Variants in HS3ST4 observed in about 807,000 individuals in gnomAD.
The protein encoded by HS3ST4 is heparan sulfate-glucosamine 3-sulfotransferase 4.
Under a neutral mutation model 29.2 loss-of-function variants are expected in HS3ST4, and 17 were observed. That is an observed-to-expected ratio of 0.58 (90% confidence interval 0.40 to 0.87). The LOEUF (loss-of-function observed/expected upper bound fraction) is 0.87, where lower values mean the gene tolerates loss of function less well. Among genes scored for constraint, HS3ST4 ranks in the 40% least tolerant of loss-of-function variants. HS3ST4 has a pLI of 0.00. For synonymous variants in HS3ST4, 314 were observed against 285.7 expected (o/e 1.10, Z -1.00); for missense variants, 627 against 634.5 (o/e 0.99, Z 0.13).
chr16:25,808,029 T>G (rs1277226474), intron 1 of HS3ST4, among the ~76,000 whole-genome samples: 1 of 152,184 alleles, frequency 6.6e-6, no homozygotes, highest in Admixed American at 6.5e-5. Context: ...TAGATACCAA[T>G]CCTTTTTCAG....
At chr16:26,073,166 G>A (rs1234470281) in intron 1 of HS3ST4, among the ~76,000 whole-genome samples, 1 of 152,108 alleles carries the variant, frequency 6.6e-6, no homozygotes, top group Non-Finnish European at 1.5e-5. Flanking sequence ...CTGACAATGT[G>A]CTGAGCATGT....
intron 1 of HS3ST4, among the ~76,000 whole-genome samples, chr16:25,788,430 G>A (rs906594607): frequency 7.5e-6 from 1 of 132,502 alleles, no homozygotes; most frequent in African/African-American, 2.7e-5. Flanking sequence ...AAAAAAAAAT[G>A]CCATTACAAT....
chr16:25,926,391 A>G (rs1417482651), intron 1 of HS3ST4, among the ~76,000 whole-genome samples: 1 of 152,182 alleles, frequency 6.6e-6, no homozygotes, highest in Non-Finnish European at 1.5e-5. Flanking sequence ...ATGTTTCTCC[A>G]CCTACAGTTT....
At chr16:26,129,671 CTTAAG>C (rs1354774948) in intron 1 of HS3ST4, among the ~76,000 whole-genome samples, 4 of 152,166 alleles carry the variant, frequency 2.6e-5, no homozygotes, top group South Asian at 2.1e-4. Context: ...ACCCATATTA[CTTAAG>C]TTAAGTAATT....
chr16:26,022,316 G>A (rs979480735), intron 1 of HS3ST4, among the ~76,000 whole-genome samples: 5 of 152,142 alleles, frequency 3.3e-5, no homozygotes, highest in African/African-American at 1.2e-4. Context: ...GTGAATCTCA[G>A]TGGAAATTAA....
At chr16:25,820,263 T>C (rs1420788589) in intron 1 of HS3ST4, among the ~76,000 whole-genome samples, 1 of 152,072 alleles carries the variant, frequency 6.6e-6, no homozygotes, top group Non-Finnish European at 1.5e-5. Flanking sequence ...TTGACAAGCC[T>C]GGGTAGGGCC....
At chr16:26,073,716 G>A (rs1438233063) in intron 1 of HS3ST4, among the ~76,000 whole-genome samples, 1 of 152,146 alleles carries the variant, frequency 6.6e-6, no homozygotes, top group Non-Finnish European at 1.5e-5. Flanking sequence ...CACACGCACT[G>A]TAGGTATCAT....
At chr16:26,015,948 G>A (rs567581593) in intron 1 of HS3ST4, among the ~76,000 whole-genome samples, 2 of 152,106 alleles carry the variant, frequency 1.3e-5, no homozygotes, top group East Asian at 3.9e-4. Flanking sequence ...CTGGGGGTGG[G>A]GTGTGCTACT....
chr16:25,961,455 A>T (rs1968792153), intron 1 of HS3ST4, among the ~76,000 whole-genome samples: 1 of 152,198 alleles, frequency 6.6e-6, no homozygotes, highest in South Asian at 2.1e-4. Context: ...CATGTGATTT[A>T]TTCATTCATT....
intron 1 of HS3ST4, among the ~76,000 whole-genome samples, chr16:25,881,167 A>G (rs1967891941): frequency 6.6e-6 from 1 of 152,202 alleles, no homozygotes; most frequent in South Asian, 2.1e-4. Context: ...GGAGACAAGA[A>G]TGAGAACCCT....
At chr16:25,713,010 T>C (rs1966427556) in intron 1 of HS3ST4, among the ~76,000 whole-genome samples, 2 of 152,168 alleles carry the variant, frequency 1.3e-5, no homozygotes, top group African/African-American at 4.8e-5. Flanking sequence ...AGGACAGCTA[T>C]CATATTTCAC....
At chr16:25,851,927 G>C (rs1967526287) in intron 1 of HS3ST4, among the ~76,000 whole-genome samples, 1 of 152,144 alleles carries the variant, frequency 6.6e-6, no homozygotes. Context: ...AGGTAGTTAA[G>C]GACTATGTGC....
At chr16:25,813,496 C>G (rs1046985000) in intron 1 of HS3ST4, among the ~76,000 whole-genome samples, 9 of 152,090 alleles carry the variant, frequency 5.9e-5, no homozygotes, top group African/African-American at 1.7e-4. Context: ...ACTTGGGAGG[C>G]TGAGGGAGAG....
intron 1 of HS3ST4, among the ~76,000 whole-genome samples, chr16:25,936,634 C>T (rs1342697034): frequency 1.3e-5 from 2 of 152,214 alleles, no homozygotes; most frequent in Admixed American, 6.5e-5. Context: ...GTTACCCATT[C>T]ATCAGCTGCT....
intron 1 of HS3ST4, among the ~76,000 whole-genome samples, chr16:25,850,748 G>A (rs1193100173): frequency 1.3e-5 from 2 of 152,140 alleles, no homozygotes; most frequent in Non-Finnish European, 2.9e-5. Context: ...AGAAAAGAGT[G>A]CTTCATACAA....
chr16:25,770,878 G>A (rs768256384), intron 1 of HS3ST4, among the ~76,000 whole-genome samples: 2 of 152,098 alleles, frequency 1.3e-5, no homozygotes, highest in African/African-American at 2.4e-5. Flanking sequence ...TGCTTATGAC[G>A]TGTTGGGAAC....
chr16:26,132,827 G>A (rs938312751), intron 1 of HS3ST4, among the ~76,000 whole-genome samples: 1 of 152,102 alleles, frequency 6.6e-6, no homozygotes, highest in Non-Finnish European at 1.5e-5. Context: ...ATCTGGAAAA[G>A]GCCGTATAAA....
intron 1 of HS3ST4, among the ~76,000 whole-genome samples, chr16:25,943,100 A>G (rs1355505128): frequency 4.6e-5 from 7 of 152,210 alleles, no homozygotes; most frequent in African/African-American, 1.4e-4. Context: ...GCCCCTGCCA[A>G]TTGCCACTTA....
At chr16:25,813,522 G>T (rs1967063521) in intron 1 of HS3ST4, among the ~76,000 whole-genome samples, 1 of 152,136 alleles carries the variant, frequency 6.6e-6, no homozygotes, top group African/African-American at 2.4e-5. Flanking sequence ...GCTTGAACCT[G>T]GGAGGCGGAG....
Sources: allele counts gnomAD v4.1 joint callset (sites outside exome capture counted in the v4.1 genomes callset), GRCh38; gene constraint gnomAD v4.1.1; transcripts MANE v1.5; gene names NCBI Gene and HGNC (gene_info 2026-07-23, HGNC 2026-07-21).